MACIR: variants seen among roughly 807,000 people sequenced by gnomAD.
The protein encoded by MACIR is macrophage immunometabolism regulator, also known as UNC119-binding protein C5orf30.
MACIR carries 4 observed loss-of-function variants against 14.3 expected under a neutral mutation model. That is an observed-to-expected ratio of 0.28 (90% CI 0.14 to 0.64). MACIR has a LOEUF of 0.64. Ranked by LOEUF, MACIR falls within the 30% of genes least tolerant of loss-of-function variation. MACIR has a pLI of 0.83. For synonymous variants in MACIR, 101 were observed against 102.4 expected (o/e 0.99, Z 0.08); for missense variants, 228 against 257.6 (o/e 0.89, Z 0.79).
intron 2 of MACIR, among the ~76,000 whole-genome samples, chr5:103,271,964 G>A (rs1328495832): frequency 6.6e-6 from 1 of 152,108 alleles, no homozygotes; most frequent in African/African-American, 2.4e-5. Flanking sequence ...GAAGCAGTTG[G>A]CATTAGACCT....
At chr5:103,261,685 T>TCTTTCTTTCTTTCTTC (rs1804718102) in intron 1 of MACIR, among the ~76,000 whole-genome samples, 1 of 130,168 alleles carries the variant, frequency 7.7e-6, no homozygotes, top group Admixed American at 7.6e-5. Context: ...TTTCTTTCTT[T>TCTTTCTTTCTTTCTTC]CTTTCTTTCT....
chr5:103,275,696 C>T (rs185186376), intron 2 of MACIR, among the ~76,000 whole-genome samples: 1 of 152,228 alleles, frequency 6.6e-6, no homozygotes, highest in East Asian at 1.9e-4. Flanking sequence ...TTTAACTTGC[C>T]TTTCAGTTCT....
At chr5:103,267,232 A>G (rs1251950882) in intron 2 of MACIR, among the ~76,000 whole-genome samples, 2 of 152,194 alleles carry the variant, frequency 1.3e-5, no homozygotes, top group Non-Finnish European at 2.9e-5. Flanking sequence ...CAAAAATGGT[A>G]TAGTATTTGC....
intron 1 of MACIR, among the ~76,000 whole-genome samples, chr5:103,261,674 C>CTTTCTTTCTTTCT (rs1804713197): frequency 1.6e-5 from 2 of 125,008 alleles, no homozygotes; most frequent in Non-Finnish European, 3.4e-5. Flanking sequence ...TTCTTTCTTT[C>CTTTCTTTCTTTCT]TTTCTTTCTT....
intron 1 of MACIR, among the ~76,000 whole-genome samples, chr5:103,265,209 CT>C (rs1174397092): frequency 1.3e-5 from 2 of 152,060 alleles, no homozygotes; most frequent in African/African-American, 4.8e-5. Context: ...CAGTCACTCT[CT>C]TTTTTTGTTG....
intron 2 of MACIR, among the ~76,000 whole-genome samples, chr5:103,267,343 ATTAT>A (rs1452313451): frequency 2.0e-5 from 3 of 152,208 alleles, no homozygotes; most frequent in Non-Finnish European, 4.4e-5. Flanking sequence ...GCTGTACTGT[ATTAT>A]TTAGGGAATA....
chr5:103,267,988 T>C (rs149936148), intron 2 of MACIR, among the ~76,000 whole-genome samples: 1 of 152,344 alleles, frequency 6.6e-6, no homozygotes, highest in East Asian at 1.9e-4. Flanking sequence ...TAATGTCTGC[T>C]TCTTTCACTT....
intron 1 of MACIR, among the ~76,000 whole-genome samples, chr5:103,264,358 T>G (rs1222359103): frequency 6.6e-6 from 1 of 152,168 alleles, no homozygotes; most frequent in Non-Finnish European, 1.5e-5. Context: ...ATGATATAAA[T>G]TGTATATCAC....
upstream of MACIR, among the ~76,000 whole-genome samples, chr5:103,258,435 G>A (rs1027290719): frequency 1.3e-5 from 2 of 152,142 alleles, no homozygotes; most frequent in East Asian, 3.9e-4. Context: ...AGTGTTCCCA[G>A]GTCCGCAAGT....
chr5:103,265,172 G>A (rs1296871543), intron 1 of MACIR, among the ~76,000 whole-genome samples: 1 of 152,060 alleles, frequency 6.6e-6, no homozygotes, highest in Non-Finnish European at 1.5e-5. Context: ...CCTTAAGTAA[G>A]GTGGTAACTA....
intron 2 of MACIR, among the ~76,000 whole-genome samples, chr5:103,270,345 G>C (rs1333369903): frequency 6.6e-6 from 1 of 152,066 alleles, no homozygotes; most frequent in Non-Finnish European, 1.5e-5. Flanking sequence ...GTGTACTCTT[G>C]CATGTTTTCA....
In MACIR at chr5:103,276,118, G is replaced by C. The variant is rs377580691; in HGVS notation, c.199G>C (p.Gly67Arg). ...DSNYLVGFTT[G>R]EELLKLAQKC... Reference sequence around the variant, plus strand: ...TAACTATTTGGTTGGCTTCACGACTGGCGAGGAACTCCTGAAGTTAGCTCA... The same window carrying C: ...TAACTATTTGGTTGGCTTCACGACTCGCGAGGAACTCCTGAAGTTAGCTCA... Residue 67 changes from glycine to arginine, a missense_variant, in exon 3 of 3, where the codon GGC becomes CGC. By Grantham distance (125) the Gly-to-Arg change is moderately radical (BLOSUM62 -2). Transcript: ENST00000319933. 1.4e-5 allele frequency: 23 copies of C among 1,613,878 alleles called. No individual in the cohort carries two copies. The highest frequency in any genetic ancestry group is 1.9e-5 in the Non-Finnish European group (23 of 1,180,018).
intron 2 of MACIR, 80 bp downstream of exon 2, chr5:103,266,077 A>G (rs1264548524): frequency 6.6e-6 from 1 of 152,272 alleles, no homozygotes; most frequent in East Asian, 1.9e-4. Flanking sequence ...AGACTACATA[A>G]ATAAACAAGT....
Position 103,276,130 on chromosome 5 carries a change from C to G in MACIR, c.211C>G (p.Leu71Val). ...TGGCTTCACGACTGGCGAGGAACTC[C>G]TGAAGTTAGCTCAGAAGTGCACAGG... ...LVGFTTGEELLKLAQKCTGGE... is the reference protein window; with the variant it reads ...LVGFTTGEELVKLAQKCTGGE... Residue 71 changes from leucine to valine, a missense_variant, in exon 3 of 3, where the codon CTG (leucine) becomes GTG (valine). By Grantham distance (32) the Leu-to-Val change is conservative. Coordinates refer to ENST00000319933, the MANE Select transcript of MACIR (RefSeq NM_033211.4). 10 of 1,613,984 alleles carry G rather than the reference C, an allele frequency of 6.2e-6. No homozygotes were observed. The highest frequency in any genetic ancestry group is 8.5e-6 in the Non-Finnish European group (10 of 1,180,006).
At chr5:103,275,206 T>C (rs926878803) in intron 2 of MACIR, among the ~76,000 whole-genome samples, 4 of 152,188 alleles carry the variant, frequency 2.6e-5, no homozygotes, top group Admixed American at 2.6e-4. Context: ...ATGTGATATA[T>C]TGGATTTAGG....
intron 1 of MACIR, 50 bp downstream of exon 1, chr5:103,258,946 A>T (rs1804557375): frequency 6.6e-6 from 1 of 152,310 alleles, no homozygotes; most frequent in Admixed American, 6.5e-5. Context: ...TGTGCTGCAG[A>T]AAAGGTGGTG....
At chr5:103,271,675 T>C (rs1480046088) in intron 2 of MACIR, among the ~76,000 whole-genome samples, 1 of 152,126 alleles carries the variant, frequency 6.6e-6, no homozygotes, top group East Asian at 1.9e-4. Flanking sequence ...GAATTAGATA[T>C]TGAAGACCTT....
intron 1 of MACIR, among the ~76,000 whole-genome samples, chr5:103,265,144 C>T (rs1230368344): frequency 6.6e-6 from 1 of 152,044 alleles, no homozygotes; most frequent in Non-Finnish European, 1.5e-5. Context: ...AGGGAAGGCA[C>T]AGAGGAGATG....
In MACIR at chr5:103,276,185, C is replaced by A; in HGVS notation, c.266C>A (p.Pro89Gln). The A allele has an allele frequency of 6.2e-7, 1 of 1,613,750 alleles. No individual in the cohort carries two copies. The highest frequency in any genetic ancestry group is 8.5e-7 in the Non-Finnish European group (1 of 1,179,962). ...GGEESKAEAM[P>Q]SLRSKQLDAG... ...GAAGAGAGCAAAGCAGAAGCCATGC[C>A]ATCCTTACGCTCCAAACAGCTAGAT... is the stretch of plus-strand genomic sequence containing the variant. The change falls in exon 3 of 3, where the codon CCA becomes CAA. Residue 89 changes from proline (P) to glutamine (Q), a missense_variant. Pro to Gln is a moderately conservative substitution (Grantham distance 76). Transcript: ENST00000319933.
Sources: allele counts gnomAD v4.1 joint callset (sites outside exome capture counted in the v4.1 genomes callset), GRCh38; gene constraint gnomAD v4.1.1; transcripts MANE v1.5; gene names NCBI Gene and HGNC (gene_info 2026-07-23, HGNC 2026-07-21).